GAS7: variants seen among roughly 807,000 people sequenced by gnomAD.
The protein encoded by GAS7 is growth arrest-specific protein 7.
GAS7 carries 28 observed loss-of-function variants against 71.1 expected under a neutral mutation model. That is an observed-to-expected ratio of 0.39 (90% CI 0.29 to 0.54). The LOEUF (loss-of-function observed/expected upper bound fraction) is 0.54. Among genes scored for constraint, GAS7 ranks in the 20% least tolerant of loss-of-function variants. The probability of loss-of-function intolerance (pLI) is 0.62; values close to 1 mark genes in which losing one functional copy is unlikely to be tolerated. For synonymous variants in GAS7, 258 were observed against 245.8 expected (o/e 1.05, Z -0.46); for missense variants, 436 against 627.8 (o/e 0.69, Z 3.27).
chr17:10,182,977 C>T (rs12452869), intron 1 of GAS7, among the ~76,000 whole-genome samples: 39,969 of 151,998 alleles, frequency 0.26, 5,579 homozygotes, highest in Admixed American at 0.39. Context: ...CAGCCGGAGG[C>T]CCATCAAACC....
intron 1 of GAS7, among the ~76,000 whole-genome samples, chr17:10,093,645 C>T (rs1186978037): frequency 6.6e-6 from 1 of 150,580 alleles, no homozygotes; most frequent in East Asian, 1.9e-4. Context: ...GGGCCAAAAG[C>T]TTCCCTCCCA....
chr17:10,082,869 A>G (rs934389638), intron 1 of GAS7, among the ~76,000 whole-genome samples: 2 of 152,202 alleles, frequency 1.3e-5, no homozygotes, highest in African/African-American at 4.8e-5. Flanking sequence ...ATCCTGTGCA[A>G]AAGAAGCCAC....
intron 6 of GAS7, among the ~76,000 whole-genome samples, chr17:9,946,429 G>A (rs1023724634): frequency 5.3e-5 from 8 of 152,230 alleles, no homozygotes; most frequent in South Asian, 4.2e-4. Context: ...ATCTGCAAAC[G>A]TTTTAAAACT....
rs1257483942 is a variant in GAS7 at position 10,011,464 on chromosome 17, C to T, written c.304+8313G>A. Reference sequence around the variant, plus strand: ...CAGACTACTCCAGGCTACGGCTCCTCCTTGCAGCCCTTCCAGAAGTGAACA... The same window carrying T: ...CAGACTACTCCAGGCTACGGCTCCTTCTTGCAGCCCTTCCAGAAGTGAACA... On this transcript the variant is annotated intron_variant, in intron 2 of 13. Coordinates refer to ENST00000432992, the MANE Select transcript of GAS7 (RefSeq NM_201433.2). 2.6e-5 allele frequency among the ~76,000 whole-genome samples: 4 copies of T among 152,138 alleles called. No homozygotes were observed. The East Asian group carries it at 7.7e-4, about 29-fold the overall frequency.
At chr17:10,140,770 G>C (rs956969839) in intron 1 of GAS7, among the ~76,000 whole-genome samples, 1 of 152,202 alleles carries the variant, frequency 6.6e-6, no homozygotes, top group South Asian at 2.1e-4. Context: ...GCTGGAGATG[G>C]AATGCTGAAG....
At chr17:10,124,875 G>A (rs933252462) in intron 1 of GAS7, among the ~76,000 whole-genome samples, 3 of 151,980 alleles carry the variant, frequency 2.0e-5, no homozygotes, top group Admixed American at 6.6e-5. Context: ...CCGAGTTCGC[G>A]CTACTGCACT....
intron 1 of GAS7, among the ~76,000 whole-genome samples, chr17:10,112,803 AAG>A (rs1390395221): frequency 6.6e-6 from 1 of 151,794 alleles, no homozygotes; most frequent in Non-Finnish European, 1.5e-5. Context: ...AAGAAAAGAA[AAG>A]AGAGAGAAAA....
At chr17:10,181,654 T>A (rs547538038) in intron 1 of GAS7, among the ~76,000 whole-genome samples, 1 of 152,154 alleles carries the variant, frequency 6.6e-6, no homozygotes, top group Non-Finnish European at 1.5e-5. Context: ...TGGTATATTG[T>A]AAAGGCAATG....
chr17:10,120,260 C>T (rs756442511), intron 1 of GAS7, among the ~76,000 whole-genome samples: 10 of 152,196 alleles, frequency 6.6e-5, no homozygotes, highest in Non-Finnish European at 1.2e-4. Context: ...GGCCACCTCC[C>T]TCCATTCTTG....
At chr17:9,946,230 AT>A (rs535279387) in intron 6 of GAS7, among the ~76,000 whole-genome samples, 13 of 152,218 alleles carry the variant, frequency 8.5e-5, no homozygotes, top group African/African-American at 2.6e-4. Context: ...AGGACTCTGC[AT>A]TTCTACAAAT....
chr17:10,050,959 G>A (rs2073054177), intron 1 of GAS7, among the ~76,000 whole-genome samples: 1 of 152,160 alleles, frequency 6.6e-6, no homozygotes, highest in Non-Finnish European at 1.5e-5. Flanking sequence ...AAGAACAGAA[G>A]ATAGATGCCC....
intron 1 of GAS7, among the ~76,000 whole-genome samples, chr17:10,030,857 G>A (rs1038015035): frequency 6.6e-6 from 1 of 152,092 alleles, no homozygotes; most frequent in East Asian, 1.9e-4. Flanking sequence ...CACATCAGAC[G>A]CCCACCCCCA....
At chr17:10,041,789 C>A in intron 1 of GAS7, among the ~76,000 whole-genome samples, 1 of 152,326 alleles carries the variant, frequency 6.6e-6, no homozygotes. Context: ...AAGCCACACA[C>A]ACGAACGGCA....
intron 1 of GAS7, among the ~76,000 whole-genome samples, chr17:10,047,225 C>T (rs894767932): frequency 6.6e-6 from 1 of 152,168 alleles, no homozygotes; most frequent in Non-Finnish European, 1.5e-5. Flanking sequence ...CCAGCCAATG[C>T]CCTGGCTGCA....
chr17:9,924,368 G>C (rs1004992505), intron 11 of GAS7, among the ~76,000 whole-genome samples: 1 of 151,968 alleles, frequency 6.6e-6, no homozygotes, highest in African/African-American at 2.4e-5. Context: ...TAGAGATGAG[G>C]TACTATGTTG....
chr17:10,041,597 G>C (rs979721477), intron 1 of GAS7, among the ~76,000 whole-genome samples: 3 of 152,236 alleles, frequency 2.0e-5, no homozygotes, highest in Non-Finnish European at 2.9e-5. Context: ...TAATCTCTCA[G>C]AGTATGGAAG....
At chr17:10,152,345 C>T (rs753093463) in intron 1 of GAS7, among the ~76,000 whole-genome samples, 3 of 152,194 alleles carry the variant, frequency 2.0e-5, no homozygotes, top group East Asian at 3.9e-4. Flanking sequence ...TATTGAGGAA[C>T]GATTCTGTGC....
chr17:10,115,374 C>T (rs182761334), intron 1 of GAS7, among the ~76,000 whole-genome samples: 63 of 152,306 alleles, frequency 4.1e-4, no homozygotes, highest in African/African-American at 1.4e-3. Flanking sequence ...ACTAAGCACA[C>T]TTCATCAGCA....
intron 1 of GAS7, among the ~76,000 whole-genome samples, chr17:10,150,125 A>C (rs1047389973): frequency 5.3e-5 from 8 of 152,216 alleles, no homozygotes; most frequent in Non-Finnish European, 1.2e-4. Flanking sequence ...CATCTCAATA[A>C]AGAAAAAAAT....
Sources: gnomAD v4.1 joint callset for allele counts (sites outside exome capture counted in the v4.1 genomes callset) on GRCh38, gnomAD v4.1.1 for gene constraint, MANE v1.5 for transcripts, NCBI Gene and HGNC (gene_info 2026-07-23, HGNC 2026-07-21) for gene names.